RASGRP4: variants seen among roughly 807,000 people sequenced by gnomAD.
The protein encoded by RASGRP4 is RAS guanyl-releasing protein 4.
RASGRP4 carries 52 observed loss-of-function variants against 84.4 expected under a neutral mutation model. The observed-to-expected ratio is 0.62, with a 90% CI of 0.49 to 0.78. The LOEUF (loss-of-function observed/expected upper bound fraction) is 0.78, where lower values mean the gene tolerates loss of function less well. Among genes scored for constraint, RASGRP4 ranks in the 30% least tolerant of loss-of-function variants. The pLI is 0.00. For synonymous variants in RASGRP4, 356 were observed against 359.1 expected, an observed-to-expected ratio of 0.99 and a Z score of 0.10; for missense variants, 760 against 886.9, an observed-to-expected ratio of 0.86 and a Z score of 1.82.
Position 38,410,045 on chromosome 19 carries a change from A to G in RASGRP4, c.2017T>C (p.Ser673Pro). The change falls in exon 17 of 17, where the codon TCC becomes CCC. Residue 673 changes from serine (S) to proline (P), a missense_variant. Ser to Pro is a moderately conservative substitution (Grantham distance 74). Coordinates refer to ENST00000615439, the MANE Select transcript of RASGRP4 (RefSeq NM_170604.3). ...PPSTASSKLD[S>P] The stretch of plus-strand genomic sequence containing the variant: ...GAGAGGAGACCAAGAGATGTCTAGG[A>G]ATCCAGCTTGGAGGATGCAGTTGAT... The G allele has an allele frequency of 6.2e-7, 1 of 1,611,894 alleles. No homozygotes were observed. The highest frequency in any genetic ancestry group is 8.5e-7 in the Non-Finnish European group (1 of 1,178,782).
Position 38,413,044 on chromosome 19 carries a change from C to T in RASGRP4, c.1422G>A (p.Val474=). 1 of 1,613,342 alleles carries T rather than the reference C, an allele frequency of 6.2e-7. No individual in the cohort carries two copies. ...GRHVEQLVES[V]FKNYDPEGRG... ...GGCCTTCAGGGTCATAATTCTTGAA[C>T]ACAGACTTCAGAGGAGTGTGGGGAA... Residue 474 remains valine, a synonymous_variant, in exon 12 of 17, where the codon GTG becomes GTA. Coordinates refer to ENST00000615439, the MANE Select transcript of RASGRP4 (RefSeq NM_170604.3). This position sits in a 1 kb window ranked among gnomAD's most constrained non-coding sequence, Gnocchi z 4.7.
In RASGRP4 at chr19:38,413,672, C is replaced by T. The variant is rs1971374870; in HGVS notation, c.1231-198G>A. Among the ~76,000 whole-genome samples, 2 of 152,124 alleles carry T rather than the reference C, an allele frequency of 1.3e-5. No individual in the cohort carries two copies. Among genetic ancestry groups the T allele is most frequent in the Non-Finnish European group, 1.5e-5 (1 of 68,026 alleles). ...GAATGGGCACAGTAAGGGTCCCGAC[C>T]TCATAGGGTTGTAAGGTGGAATGAG... On this transcript the variant is annotated intron_variant, in intron 9 of 16. Coordinates refer to ENST00000615439, the MANE Select transcript of RASGRP4 (RefSeq NM_170604.3). The surrounding 1 kb of genome is among the most constrained non-coding windows in gnomAD (Gnocchi z 4.7).
At position 38,410,160 on chromosome 19, in the gene RASGRP4, A is replaced by G. The variant is rs527898566; in HGVS notation, c.1966-64T>C. The G allele has an allele frequency of 7.8e-5, 103 of 1,327,982 alleles. No homozygotes were observed. The South Asian group carries it at 1.0e-3, about 13-fold the overall frequency. 82.3% of individuals were successfully genotyped at this position (1,327,982 alleles called of 1,614,324 possible). On this transcript the variant is annotated intron_variant, in intron 16 of 16. Transcript: ENST00000615439. ...GTGGGGAGCATATGATGTCTAGGAG[A>G]CGCTTCACTGCCAGGAACACTTCCC...
rs914041013 is a variant in RASGRP4, at chr19:38,409,395, A to G, written c.*645T>C. The G allele has an allele frequency of 1.3e-5, 2 of 152,212 alleles. No individual in the cohort carries two copies. The highest frequency in any genetic ancestry group is 1.5e-5 in the Non-Finnish European group (1 of 68,332). 9.4% of individuals were successfully genotyped at this position (152,212 alleles called of 1,614,324 possible). A position where few individuals can be genotyped will look rare whatever the true frequency, so the allele number is the denominator to read the frequency against. On this transcript the variant is annotated 3_prime_UTR_variant, in exon 17 of 17. Coordinates refer to ENST00000615439, the MANE Select transcript of RASGRP4 (RefSeq NM_170604.3). ...CCTGTTGAGGAAAGACAGACGTTCA[A>G]CGAGATAAAGAGGGAAAAAGTATAG...
At position 38,422,081 on chromosome 19, in the gene RASGRP4, T is replaced by C. The variant is rs1971779399; in HGVS notation, c.96A>G (p.Thr32=). ...GRPRQVRRHK[T]CPSPREISKV... ...TGCTGATTTCCCGAGGGCTGGGGCA[T>C]GTCTTGTGGCGGCGCACTTGGCGGG... Residue 32 remains threonine (T), a synonymous_variant, in exon 2 of 17, where the codon ACA becomes ACG. Transcript: ENST00000615439. 6.2e-7 allele frequency: 1 copy of C among 1,613,776 alleles called. No homozygotes were observed. Among genetic ancestry groups the C allele is most frequent in the Non-Finnish European group, 8.5e-7 (1 of 1,179,822 alleles).
chr19:38,425,704 A>G (rs944221798), intron 1 of RASGRP4, among the ~76,000 whole-genome samples: 7 of 151,528 alleles, frequency 4.6e-5, no homozygotes, highest in African/African-American at 1.5e-4. Context: ...CCTGTGCCAC[A>G]CTCCCCTCTC....
rs1034288951 is a variant in RASGRP4 at position 38,419,996 on chromosome 19, G to A, written c.527C>T (p.Pro176Leu). ...GCTGCTCATTGGGAGTGGGGGGCCA[G>A]GGCCACCAGGGCTCAGGCTGGGGGC... ...DSSDLLSPGG[P>L]GPPLPMSSPG... is the part of the protein sequence containing the mutation. Residue 176 changes from proline (P) to leucine (L), a missense_variant, in exon 6 of 17, where the codon CCT becomes CTT. Pro to Leu is a moderately conservative substitution (Grantham distance 98). Transcript: ENST00000615439. 11 of 1,613,736 alleles carry A rather than the reference G, an allele frequency of 6.8e-6. No homozygotes were observed. The highest frequency in any genetic ancestry group is 9.3e-6 in the Non-Finnish European group (11 of 1,179,754).
rs1012201336 is a variant in RASGRP4, at chr19:38,413,489, G to A, written c.1231-15C>T. ...TCCAGGGAGAGCTGGAGCAGACAGG[G>A]GTGTTACGGATCCTCCCATCTATAG... is the stretch of plus-strand genomic sequence containing the variant. On this transcript the variant is annotated splice_polypyrimidine_tract_variant and intron_variant, in intron 9 of 16. Transcript: ENST00000615439. The surrounding 1 kb of genome is among the most constrained non-coding windows in gnomAD (Gnocchi z 4.7). 6.3e-7 allele frequency: 1 copy of A among 1,579,484 alleles called. No homozygotes were observed. Among genetic ancestry groups the A allele is most frequent in the Non-Finnish European group, 8.6e-7 (1 of 1,161,960 alleles).
chr19:38,413,524 A>C lies in RASGRP4; in HGVS notation c.1231-50T>G. On this transcript the variant is annotated intron_variant, in intron 9 of 16. Transcript: ENST00000615439. The surrounding 1 kb of genome is among the most constrained non-coding windows in gnomAD (Gnocchi z 4.7). ...ATCCTCCCATCTATAGCCCTGCCCC[A>C]GACCCCCACACCCACTCGCAGGCTC... 6.9e-7 allele frequency: 1 copy of C among 1,458,226 alleles called. No homozygotes were observed. Among genetic ancestry groups the C allele is most frequent in the Non-Finnish European group, 9.4e-7 (1 of 1,060,790 alleles). 90.3% of individuals were successfully genotyped at this position (1,458,226 alleles called of 1,614,324 possible). A position where few individuals can be genotyped will look rare whatever the true frequency, so the allele number is the denominator to read the frequency against.
At position 38,409,919 on chromosome 19, in the gene RASGRP4, G is replaced by C. The variant is rs1043499267; in HGVS notation, c.*121C>G. The stretch of plus-strand genomic sequence containing the variant: ...GATGACGGACGTACCACTAAAGGCA[G>C]TGTGGATGGGAAGGCGGATGCCTCT... On this transcript the variant is annotated 3_prime_UTR_variant, in exon 17 of 17. Transcript: ENST00000615439. The C allele has an allele frequency of 1.5e-6, 1 of 673,560 alleles. No individual in the cohort carries two copies. Among genetic ancestry groups the C allele is most frequent in the Non-Finnish European group, 2.6e-6 (1 of 387,910 alleles). The allele number at this position is 673,560 out of a possible 1,614,324, so 41.7% of individuals were successfully genotyped here.
At chr19:38,410,673 C>G (rs548043026) in intron 16 of RASGRP4, among the ~76,000 whole-genome samples, 4 of 152,224 alleles carry the variant, frequency 2.6e-5, no homozygotes, top group Admixed American at 1.3e-4. Context: ...TCAGCCTCCC[C>G]GAAGTCCTGG....
Position 38,417,350 on chromosome 19 carries a change from G to C in RASGRP4, c.838-182C>G, listed in dbSNP as rs780853934. Among the ~76,000 whole-genome samples, 2 of 152,178 alleles carry C rather than the reference G, an allele frequency of 1.3e-5. No individual in the cohort carries two copies. Among genetic ancestry groups the C allele is most frequent in the South Asian group, 4.1e-4 (2 of 4,834 alleles). On this transcript the variant is annotated intron_variant, in intron 7 of 16. Transcript: ENST00000615439. The surrounding 1 kb of genome is among the most constrained non-coding windows in gnomAD (Gnocchi z 5.1). ...GACATGCCATGTGTGGGCCTCACAGGGGTGTCAGATGGCTATCTGAGCCGG... is the reference window on the plus strand; with the variant it reads ...GACATGCCATGTGTGGGCCTCACAGCGGTGTCAGATGGCTATCTGAGCCGG...
intron 4 of RASGRP4, among the ~76,000 whole-genome samples, 166 bp downstream of exon 4, chr19:38,420,742 G>T (rs1971708411): frequency 6.6e-6 from 1 of 151,982 alleles, no homozygotes; most frequent in African/African-American, 2.4e-5. Flanking sequence ...GGAACTAAGA[G>T]GGTCTTAGGA....
intron 16 of RASGRP4, 47 bp from the exon 17 acceptor site, chr19:38,410,143 C>G (rs753657118): frequency 6.7e-7 from 1 of 1,498,408 alleles, no homozygotes; most frequent in Non-Finnish European, 9.2e-7. Context: ...ATGTGGGGAG[C>G]ATATGATGTC....
At chr19:38,420,652 G>A (rs1372284709) in intron 4 of RASGRP4, among the ~76,000 whole-genome samples, 1 of 150,440 alleles carries the variant, frequency 6.6e-6, no homozygotes, top group African/African-American at 2.5e-5. Context: ...CAGAGTTGGA[G>A]GTCTCTGGGC....
At position 38,413,235 on chromosome 19, in the gene RASGRP4, C is replaced by T. The variant is rs773163521; in HGVS notation, c.1374G>A (p.Pro458=). ...CATGCCGACCCAGTGTGACCCTGTC[C>T]GGCTTGGGTGTCACACCAGGGGCCC... ...VEWAPGVTPK[P]DRVTLGRHVE... Residue 458 remains proline, a synonymous_variant, in exon 11 of 17, where the codon CCG becomes CCA. Coordinates refer to ENST00000615439, the MANE Select transcript of RASGRP4 (RefSeq NM_170604.3). This position sits in a 1 kb window ranked among gnomAD's most constrained non-coding sequence, Gnocchi z 4.7. 57 of 1,613,640 alleles carry T rather than the reference C, an allele frequency of 3.5e-5. No individual in the cohort carries two copies. Among genetic ancestry groups the T allele is most frequent in the Admixed American group, 1.3e-4 (8 of 59,982 alleles).
At position 38,417,977 on chromosome 19, in the gene RASGRP4, A is replaced by G. The variant is rs754373259; in HGVS notation, c.837+414T>C. Among the ~76,000 whole-genome samples, 9 of 140,426 alleles carry G rather than the reference A, an allele frequency of 6.4e-5. No homozygotes were observed. Among genetic ancestry groups the G allele is most frequent in the African/African-American group, 2.1e-4 (8 of 37,794 alleles). 92.1% of individuals were successfully genotyped at this position (140,426 alleles called of 152,430 possible). A position where few individuals can be genotyped will look rare whatever the true frequency, so the allele number is the denominator to read the frequency against. ...GAGGGGAAGAGAAGGGCGTAACACA[A>G]TGGGGCGGGGCGGGGAGAGCCCGGA... is the stretch of plus-strand genomic sequence containing the variant. On this transcript the variant is annotated intron_variant, in intron 7 of 16. Coordinates refer to ENST00000615439, the MANE Select transcript of RASGRP4 (RefSeq NM_170604.3). This position sits in a 1 kb window ranked among gnomAD's most constrained non-coding sequence, Gnocchi z 5.1.
intron 1 of RASGRP4, among the ~76,000 whole-genome samples, 189 bp downstream of exon 1, chr19:38,425,880 A>G (rs1971972209): frequency 6.6e-6 from 1 of 152,108 alleles, no homozygotes; most frequent in Non-Finnish European, 1.5e-5. Flanking sequence ...ACAACACGGT[A>G]CAGATGCCAC....
chr19:38,412,434 T>G lies in RASGRP4; in HGVS notation c.1680+238A>C. On this transcript the variant is annotated intron_variant, in intron 13 of 16. Transcript: ENST00000615439. This position sits in a 1 kb window ranked among gnomAD's most constrained non-coding sequence, Gnocchi z 4.6. ...ACCACTCCTGGCCTCCTATCTAGAG[T>G]TTTAGGTATTATCCATGGTTCAGCA... is the stretch of plus-strand genomic sequence containing the variant. 7.8e-6 allele frequency: 4 copies of G among 513,066 alleles called. No homozygotes were observed. The highest frequency in any genetic ancestry group is 1.0e-5 in the Non-Finnish European group (3 of 288,444). 31.8% of individuals were successfully genotyped at this position (513,066 alleles called of 1,614,324 possible).
Sources: gnomAD v4.1 joint callset for allele counts (sites outside exome capture counted in the v4.1 genomes callset) on GRCh38, gnomAD v4.1.1 for gene constraint, Gnocchi (gnomAD v3.1) non-coding constraint, MANE v1.5 for transcripts, NCBI Gene and HGNC (gene_info 2026-07-23, HGNC 2026-07-21) for gene names.